The following ABCC6 variants were observed in gnomAD, a reference collection of about 807,000 sequenced individuals.
ABCC6 encodes the protein ATP-binding cassette sub-family C member 6.
A neutral mutation model predicts 169.5 loss-of-function variants in ABCC6; 126 were observed. The observed-to-expected ratio is 0.74, with a 90% CI of 0.64 to 0.86. The LOEUF (loss-of-function observed/expected upper bound fraction) is 0.86. ABCC6 is among the 40% of genes least tolerant of loss of function. ABCC6 has a pLI of 0.00. For missense variants in ABCC6, 1,733 were observed against 1,927.2 expected (o/e 0.90, Z 1.89); for synonymous variants, 752 against 814.7 (o/e 0.92, Z 1.31).
intron 29 of ABCC6, among the ~76,000 whole-genome samples, chr16:16,152,541 C>T (rs2046417688): frequency 6.6e-6 from 1 of 152,042 alleles, no homozygotes; most frequent in African/African-American, 2.4e-5. Flanking sequence ...GAGTGTGACT[C>T]AGGACTAAAA....
chr16:16,188,166 G>C (rs1304573177), intron 13 of ABCC6, among the ~76,000 whole-genome samples: 1 of 151,368 alleles, frequency 6.6e-6, no homozygotes, highest in African/African-American at 2.4e-5. Flanking sequence ...GATCACCTGA[G>C]GTCAGCGGTT....
intron 9 of ABCC6, 133 bp downstream of exon 9, chr16:16,201,868 A>G: frequency 1.0e-6 from 1 of 992,174 alleles, no homozygotes; most frequent in South Asian, 1.4e-5. Flanking sequence ...TAACTAAGGA[A>G]GTGAGAATGT....
intron 29 of ABCC6, among the ~76,000 whole-genome samples, chr16:16,150,979 G>T (rs1043829460): frequency 1.3e-5 from 2 of 152,184 alleles, no homozygotes; most frequent in African/African-American, 4.8e-5. Flanking sequence ...CTGTAGGCAG[G>T]TCATTCAAAC....
chr16:16,210,312 T>C (rs569365776), intron 6 of ABCC6, among the ~76,000 whole-genome samples: 2 of 151,832 alleles, frequency 1.3e-5, no homozygotes, highest in East Asian at 3.9e-4. Context: ...AATTTTTATA[T>C]TTTTAGTAGA....
At position 16,208,705 on chromosome 16, in the gene ABCC6, G is replaced by A. The variant is rs1449077960; in HGVS notation, c.794+23C>T. On this transcript the variant is annotated intron_variant, in intron 7 of 30. Transcript: ENST00000205557. ...GCTTTTCTGAAGTAGCATCAGGTGA[G>A]TTCTTGACCTCCACCCACTTACCTC... is the stretch of plus-strand genomic sequence containing the variant. 4 of 1,613,494 alleles carry A rather than the reference G, an allele frequency of 2.5e-6. No individual in the cohort carries two copies. The African/African-American group carries it at 5.3e-5, about 22-fold the overall frequency.
At chr16:16,187,322 G>A in intron 13 of ABCC6, 111 bp from the exon 14 acceptor site, 1 of 862,730 alleles carries the variant, frequency 1.2e-6, no homozygotes, top group Non-Finnish European at 1.9e-6. Context: ...CAAGCTCTGT[G>A]CATAGGAGGC....
intron 10 of ABCC6, among the ~76,000 whole-genome samples, chr16:16,195,681 T>C (rs1033033158): frequency 1.3e-5 from 2 of 152,102 alleles, no homozygotes; most frequent in Admixed American, 6.6e-5. Context: ...CCCATGTTCT[T>C]CCTCTCTCCC....
At position 16,202,121 on chromosome 16, in the gene ABCC6, G is replaced by C. The variant is rs200738286; in HGVS notation, c.1056C>G (p.Leu352=). Residue 352 remains leucine, a synonymous_variant, in exon 9 of 31, where the codon CTC becomes CTG. Transcript: ENST00000205557. The part of the protein sequence containing the change: ...PKPPAWKGYL[L]AVLMFLSACL... The stretch of plus-strand genomic sequence containing the variant: ...AGGCTGAGAGGAACATCAGCACGGC[G>C]AGGAGGTAGCCCTTCCAGGCTGGAG... 3.1e-6 allele frequency: 5 copies of C among 1,613,802 alleles called. No homozygotes were observed. The highest frequency in any genetic ancestry group is 4.2e-6 in the Non-Finnish European group (5 of 1,179,872).
chr16:16,194,155 G>T (rs2047958063), intron 10 of ABCC6, among the ~76,000 whole-genome samples: 1 of 152,226 alleles, frequency 6.6e-6, no homozygotes, highest in East Asian at 1.9e-4. Flanking sequence ...TGGCCTTGGG[G>T]CAAGTCATCT....
At chr16:16,189,407 C>T (rs1050328070) in intron 12 of ABCC6, among the ~76,000 whole-genome samples, 4 of 148,004 alleles carry the variant, frequency 2.7e-5, no homozygotes, top group Non-Finnish European at 6.0e-5. Context: ...GGTGTTGGTG[C>T]CATTTGTGGT....
rs147432995 is a variant in ABCC6 at position 16,192,444 on chromosome 16, G to A, written c.1431+386C>T. On this transcript the variant is annotated intron_variant, in intron 11 of 30. Coordinates refer to ENST00000205557, the MANE Select transcript of ABCC6 (RefSeq NM_001171.6). ...GGCTGGGAGTGGAGAGAGGCTGAGG[G>A]CAGAGGCGGGGAGTGAGCCAGGGGC... 3.5e-3 allele frequency among the ~76,000 whole-genome samples: 539 copies of A among 152,260 alleles called. 3 individuals are homozygous for A. The highest frequency in any genetic ancestry group is 0.012 in the African/African-American group (499 of 41,546).
intron 5 of ABCC6, among the ~76,000 whole-genome samples, chr16:16,212,580 G>A (rs914004549): frequency 2.0e-5 from 3 of 151,082 alleles, no homozygotes. Flanking sequence ...AAAGTGCTGG[G>A]ATTACAGGCA....
chr16:16,158,900 G>A (rs111741709), intron 26 of ABCC6, among the ~76,000 whole-genome samples: 2,653 of 152,066 alleles, frequency 0.017, 79 homozygotes, highest in African/African-American at 0.057. Flanking sequence ...TGATGTTGCT[G>A]TTGTGTTACT....
At chr16:16,182,074 C>G in intron 17 of ABCC6, 1 of 432,602 alleles carries the variant, frequency 2.3e-6, no homozygotes, top group South Asian at 2.2e-5. Context: ...CTTGGTGAGG[C>G]CCAGAGAGGG....
At chr16:16,156,545 A>G (rs1324566047) in intron 27 of ABCC6, among the ~76,000 whole-genome samples, 1 of 152,154 alleles carries the variant, frequency 6.6e-6, no homozygotes, top group Non-Finnish European at 1.5e-5. Flanking sequence ...TGGGTTGGGT[A>G]GAGCCTTGAA....
At chr16:16,182,712 A>G in intron 16 of ABCC6, 92 bp downstream of exon 16, 1 of 1,586,484 alleles carries the variant, frequency 6.3e-7, no homozygotes, top group South Asian at 1.1e-5. Context: ...GTGAAAGTGA[A>G]CTTGGCTGGG....
In ABCC6 at chr16:16,203,677, C is replaced by T; in HGVS notation, c.795-64G>A. ...ATACTCTCAGCCGCCAGCGGCAGGG[C>T]CAGGCATTAAAGGGTTGTTTTCCCA... On this transcript the variant is annotated intron_variant, in intron 7 of 30. Transcript: ENST00000205557. 4 of 1,585,384 alleles carry T rather than the reference C, an allele frequency of 2.5e-6. No individual in the cohort carries two copies. In the South Asian group the frequency reaches 3.4e-5, roughly 13 times the overall value.
At position 16,187,267 on chromosome 16, in the gene ABCC6, T is replaced by C. The variant is rs149635329; in HGVS notation, c.1780-56A>G. 353 of 1,433,732 alleles carry C rather than the reference T, an allele frequency of 2.5e-4. 3 individuals carry two copies. The highest frequency in any genetic ancestry group is 5.6e-5 in the Non-Finnish European group (58 of 1,032,624). The allele number at this position is 1,433,732 out of a possible 1,614,324, so 88.8% of individuals were successfully genotyped here. On this transcript the variant is annotated intron_variant, in intron 13 of 30. Transcript: ENST00000205557. Reference sequence around the variant, plus strand: ...CAAGAAGAGCAAAGAACTCAGGTTTTGGGTGTCGGTGTCTCAAGATGTGTG... The same window carrying C: ...CAAGAAGAGCAAAGAACTCAGGTTTCGGGTGTCGGTGTCTCAAGATGTGTG...
chr16:16,194,677 T>G (rs1325505156), intron 10 of ABCC6, among the ~76,000 whole-genome samples: 1 of 151,720 alleles, frequency 6.6e-6, no homozygotes, highest in Non-Finnish European at 1.5e-5. Context: ...GAACACTATG[T>G]TTATTTATTT....
Sources: gnomAD v4.1 joint callset for allele counts (sites outside exome capture counted in the v4.1 genomes callset) on GRCh38, gnomAD v4.1.1 for gene constraint, MANE v1.5 for transcripts, NCBI Gene and HGNC (gene_info 2026-07-23, HGNC 2026-07-21) for gene names.